Variants in NBAS observed in about 807,000 individuals in gnomAD.
NBAS encodes NAG/BC035112 fusion.
Under a neutral mutation model 302.5 loss-of-function variants are expected in NBAS, and 219 were observed. The ratio of observed to expected loss-of-function variants is 0.72; its 90% CI spans 0.65 to 0.81. The LOEUF is 0.81. Among genes scored for constraint, NBAS ranks in the 30% least tolerant of loss-of-function variants. The probability of loss-of-function intolerance (pLI) is 0.00; values close to 1 mark genes in which losing one functional copy is unlikely to be tolerated. For missense variants in NBAS, 2,932 were observed against 2,841.6 expected, an observed-to-expected ratio of 1.03 and a Z score of -0.72; for synonymous variants, 1,118 against 1,021.6, an observed-to-expected ratio of 1.09 and a Z score of -1.80.
the NBAS span, among the ~76,000 whole-genome samples, chr2:15,006,550 C>T: frequency 1.3e-5 from 2 of 151,974 alleles, no homozygotes; most frequent in African/African-American, 4.8e-5. Flanking sequence ...TCTATGCTAG[C>T]GTAAAATATG....
the NBAS span, among the ~76,000 whole-genome samples, chr2:14,833,669 C>T: frequency 0.032 from 4,847 of 151,808 alleles, 239 homozygotes; most frequent in African/African-American, 0.11. Flanking sequence ...CATTTATGTG[C>T]GTATTACAAT....
the NBAS span, among the ~76,000 whole-genome samples, chr2:14,869,424 C>T: frequency 2.6e-3 from 391 of 152,322 alleles, 3 homozygotes; most frequent in African/African-American, 8.2e-3. Context: ...AGTTACTCAT[C>T]GTGGTACCGG....
chr2:14,849,536 C>A, the NBAS span, among the ~76,000 whole-genome samples: 1 of 151,466 alleles, frequency 6.6e-6, no homozygotes, highest in Non-Finnish European at 1.5e-5. Context: ...ACTTCCCCAA[C>A]CTAGCAAGGC....
chr2:14,988,143 C>G, the NBAS span, among the ~76,000 whole-genome samples: 1 of 152,162 alleles, frequency 6.6e-6, no homozygotes, highest in African/African-American at 2.4e-5. Flanking sequence ...CACTCCTCAG[C>G]TCACCTCCAA....
intron 21 of NBAS, among the ~76,000 whole-genome samples, chr2:15,451,921 T>C (rs2148540247): frequency 6.6e-6 from 1 of 151,750 alleles, no homozygotes; most frequent in African/African-American, 2.4e-5. Flanking sequence ...GACCCACAAG[T>C]AGAAACCACT....
intron 6 of NBAS, among the ~76,000 whole-genome samples, chr2:15,548,156 T>C (rs891566456): frequency 2.0e-5 from 3 of 152,158 alleles, no homozygotes; most frequent in Non-Finnish European, 2.9e-5. Context: ...GGTATATTCA[T>C]TCATCCATAA....
At chr2:15,511,188 T>C in intron 10 of NBAS, 24 bp downstream of exon 10, 1 of 1,613,784 alleles carries the variant, frequency 6.2e-7, no homozygotes, top group Non-Finnish European at 8.5e-7. Flanking sequence ...CATAGCAAAG[T>C]GAAGTGCCAT....
chr2:15,483,592 C>T (rs1171066603), intron 12 of NBAS, among the ~76,000 whole-genome samples: 1 of 152,148 alleles, frequency 6.6e-6, no homozygotes, highest in African/African-American at 2.4e-5. Context: ...TTAATACTCA[C>T]AGATTTCTAG....
At chr2:14,829,969 G>C in the NBAS span, among the ~76,000 whole-genome samples, 1 of 152,154 alleles carries the variant, frequency 6.6e-6, no homozygotes, top group Non-Finnish European at 1.5e-5. Context: ...AACAGAAAAG[G>C]CCTATTCAAA....
chr2:15,399,668 A>C (rs1402515033), intron 26 of NBAS, among the ~76,000 whole-genome samples: 1 of 152,236 alleles, frequency 6.6e-6, no homozygotes, highest in Non-Finnish European at 1.5e-5. Flanking sequence ...AAACTTATCA[A>C]GGAAAAAATA....
intron 44 of NBAS, among the ~76,000 whole-genome samples, chr2:15,270,949 G>A (rs1006728338): frequency 6.6e-6 from 1 of 152,132 alleles, no homozygotes; most frequent in African/African-American, 2.4e-5. Flanking sequence ...TTCAGACACT[G>A]ATTACTCATG....
chr2:15,364,637 C>T (rs1674106533), intron 32 of NBAS, among the ~76,000 whole-genome samples: 1 of 152,066 alleles, frequency 6.6e-6, no homozygotes, highest in African/African-American at 2.4e-5. Flanking sequence ...CTGAGACCAT[C>T]AAATGGAAAA....
the NBAS span, among the ~76,000 whole-genome samples, chr2:14,934,311 T>C: frequency 6.6e-6 from 1 of 152,242 alleles, no homozygotes; most frequent in East Asian, 1.9e-4. Context: ...ATAAAACCTT[T>C]TGAATTTCTA....
chr2:14,835,195 T>C, the NBAS span, among the ~76,000 whole-genome samples: 2 of 151,964 alleles, frequency 1.3e-5, no homozygotes, highest in Non-Finnish European at 2.9e-5. Context: ...ACACATCAAT[T>C]GAGATGTGTA....
At chr2:15,145,778 G>A in the NBAS span, among the ~76,000 whole-genome samples, 1 of 152,080 alleles carries the variant, frequency 6.6e-6, no homozygotes, top group African/African-American at 2.4e-5. Context: ...TTTTAGAAAT[G>A]AGAATTCTCA....
the NBAS span, among the ~76,000 whole-genome samples, chr2:15,137,377 G>C: frequency 1.3e-5 from 2 of 152,106 alleles, no homozygotes; most frequent in Admixed American, 1.3e-4. Flanking sequence ...TTGATTGTCT[G>C]CTGAAAACTG....
rs1322757734 is a variant in NBAS, at chr2:15,401,884, G to A, written c.3071+284C>T. ...TGACTTATAAAAAGTAGTTTTTGTG[G>A]AGATCGTGGTGGTATTTTTGTTTTT... On this transcript the variant is annotated intron_variant, in intron 26 of 51. Coordinates refer to ENST00000281513, the MANE Select transcript of NBAS (RefSeq NM_015909.4). 2.3e-5 allele frequency among the ~76,000 whole-genome samples: 3 copies of A among 127,750 alleles called. No individual in the cohort carries two copies. The East Asian group carries it at 7.0e-4, about 30-fold the overall frequency. 83.8% of individuals were successfully genotyped at this position (127,750 alleles called of 152,430 possible).
At chr2:14,979,081 G>T in the NBAS span, among the ~76,000 whole-genome samples, 2 of 152,152 alleles carry the variant, frequency 1.3e-5, no homozygotes, top group Non-Finnish European at 2.9e-5. Context: ...ATTTAGTAAT[G>T]AAATGCCTAT....
At chr2:15,320,404 C>T (rs548749187) in intron 38 of NBAS, among the ~76,000 whole-genome samples, 81 of 152,194 alleles carry the variant, frequency 5.3e-4, no homozygotes, top group African/African-American at 1.9e-3. Context: ...CCAGGGCAAT[C>T]AGGCAGGAGA....
Sources: gnomAD v4.1 joint callset for allele counts (sites outside exome capture counted in the v4.1 genomes callset) on GRCh38, gnomAD v4.1.1 for gene constraint, MANE v1.5 for transcripts, NCBI Gene and HGNC (gene_info 2026-07-23, HGNC 2026-07-21) for gene names.